Variants in EVL observed in about 807,000 individuals in gnomAD.
EVL encodes the protein Enah/Vasp-like.
Under a neutral mutation model 59.6 loss-of-function variants are expected in EVL, and 21 were observed. The ratio of observed to expected loss-of-function variants is 0.35; its 90% CI spans 0.25 to 0.51. The LOEUF (loss-of-function observed/expected upper bound fraction) is 0.51. Among genes scored for constraint, EVL ranks in the 20% least tolerant of loss-of-function variants. The pLI is 0.97. For synonymous variants in EVL, 198 were observed against 203.5 expected (o/e 0.97, Z 0.23); for missense variants, 462 against 546.6 (o/e 0.85, Z 1.54).
intron 3 of EVL, among the ~76,000 whole-genome samples, chr14:100,099,339 GC>G (rs1886042377): frequency 6.6e-6 from 1 of 152,162 alleles, no homozygotes; most frequent in African/African-American, 2.4e-5. Flanking sequence ...TTCGAGTCCA[GC>G]CTGGACAACA....
chr14:100,021,469 C>T (rs1159429985), intron 1 of EVL, among the ~76,000 whole-genome samples: 1 of 152,176 alleles, frequency 6.6e-6, no homozygotes, highest in Non-Finnish European at 1.5e-5. Context: ...TGGTGTCAGA[C>T]AAATGGCTTT....
intron 1 of EVL, among the ~76,000 whole-genome samples, chr14:99,981,362 G>A (rs530052446): frequency 6.6e-6 from 1 of 152,250 alleles, no homozygotes; most frequent in East Asian, 1.9e-4. Flanking sequence ...AACCCGGGAT[G>A]GGGAGGTTGC....
intron 3 of EVL, among the ~76,000 whole-genome samples, chr14:100,113,808 G>C (rs1371987915): frequency 1.3e-5 from 2 of 152,122 alleles, no homozygotes; most frequent in Non-Finnish European, 2.9e-5. Flanking sequence ...AGAGAGGTTT[G>C]GTGGGATTGG....
At chr14:100,042,513 T>G (rs1421231356) in intron 1 of EVL, among the ~76,000 whole-genome samples, 1 of 152,168 alleles carries the variant, frequency 6.6e-6, no homozygotes, top group Non-Finnish European at 1.5e-5. Context: ...GTGGAGACGC[T>G]GCCTCCTTAA....
chr14:100,125,151 C>CACACACACCCCTG (rs1566718479), intron 4 of EVL, among the ~76,000 whole-genome samples: 1 of 124,142 alleles, frequency 8.1e-6, no homozygotes. Context: ...CACACACACA[C>CACACACACCCCTG]CTGCCCCAAG....
chr14:100,126,469 G>A (rs551341686), intron 4 of EVL, among the ~76,000 whole-genome samples: 5 of 152,360 alleles, frequency 3.3e-5, no homozygotes, highest in African/African-American at 1.2e-4. Context: ...TCCATAAGGA[G>A]CTCTGTGTTC....
chr14:100,010,211 T>G (rs548670521), intron 1 of EVL, among the ~76,000 whole-genome samples: 60 of 152,356 alleles, frequency 3.9e-4, no homozygotes, highest in African/African-American at 1.2e-3. Context: ...TAAAACATTT[T>G]GATTTTCTTC....
At chr14:100,012,425 AT>A (rs1344703306) in intron 1 of EVL, among the ~76,000 whole-genome samples, 1 of 152,158 alleles carries the variant, frequency 6.6e-6, no homozygotes. Context: ...TATCTTCTTG[AT>A]TATTCCTTTC....
chr14:100,040,789 C>T (rs1312152723), intron 1 of EVL, among the ~76,000 whole-genome samples: 1 of 152,150 alleles, frequency 6.6e-6, no homozygotes, highest in African/African-American at 2.4e-5. Flanking sequence ...TTGTATGCTG[C>T]AGTTTCATCC....
In EVL at chr14:100,084,664, A is replaced by G. The variant is rs767506274; in HGVS notation, c.12-23A>G. 5.6e-6 allele frequency: 9 copies of G among 1,612,392 alleles called. No homozygotes were observed. In the East Asian group the frequency reaches 2.0e-4, roughly 36 times the overall value. Reference sequence around the variant, plus strand: ...TCCATCCACTGTAGCTGAGGCTGACACCAGTTTTTTCTTGCTCGGCAGTGA... The same window carrying G: ...TCCATCCACTGTAGCTGAGGCTGACGCCAGTTTTTTCTTGCTCGGCAGTGA... On this transcript the variant is annotated intron_variant, in intron 1 of 13. Transcript: ENST00000392920.
chr14:100,068,373 C>G (rs898101703), intron 1 of EVL, among the ~76,000 whole-genome samples: 2 of 152,308 alleles, frequency 1.3e-5, no homozygotes, highest in African/African-American at 4.8e-5. Flanking sequence ...AACGGCAAAG[C>G]CTGCGAGCTG....
chr14:100,075,506 A>G (rs2062141290), intron 1 of EVL, among the ~76,000 whole-genome samples: 1 of 152,172 alleles, frequency 6.6e-6, no homozygotes, highest in Admixed American at 6.5e-5. Context: ...ATTTATGGCC[A>G]CTTCTCTCTA....
At chr14:100,076,404 T>C (rs2062161655) in intron 1 of EVL, among the ~76,000 whole-genome samples, 1 of 152,224 alleles carries the variant, frequency 6.6e-6, no homozygotes, top group Admixed American at 6.5e-5. Context: ...GCCTAAGTCC[T>C]CACTCTACAT....
intron 1 of EVL, among the ~76,000 whole-genome samples, chr14:99,993,685 CTTTT>C (rs532512303): frequency 2.3e-4 from 18 of 78,304 alleles, no homozygotes; most frequent in African/African-American, 4.8e-4. Context: ...TTCTTTCTTT[CTTTT>C]TTTTTTTTTT....
intron 13 of EVL, among the ~76,000 whole-genome samples, chr14:100,142,919 A>C (rs1394109572): frequency 6.6e-6 from 1 of 151,916 alleles, no homozygotes; most frequent in Non-Finnish European, 1.5e-5. Flanking sequence ...GGTGGAACCC[A>C]CCCTGGCTGA....
intron 1 of EVL, among the ~76,000 whole-genome samples, chr14:100,048,617 T>C (rs945248318): frequency 1.3e-5 from 2 of 152,170 alleles, no homozygotes; most frequent in Non-Finnish European, 2.9e-5. Context: ...CAATCCTACA[T>C]AGTCAGCCTA....
At chr14:100,016,849 T>G (rs2767359) in intron 1 of EVL, among the ~76,000 whole-genome samples, 9,336 of 152,272 alleles carry the variant, frequency 0.061, 478 homozygotes, top group East Asian at 0.28. Flanking sequence ...AGGCACTTTT[T>G]TTTAGCCCTG....
At chr14:100,007,612 G>A (rs539055237) in intron 1 of EVL, among the ~76,000 whole-genome samples, 1 of 152,376 alleles carries the variant, frequency 6.6e-6, no homozygotes, top group South Asian at 2.1e-4. Flanking sequence ...GACTGGCCAA[G>A]GGGCCTGAGG....
Position 99,981,718 on chromosome 14 carries a change from A to G in EVL, c.5+9661A>G, listed in dbSNP as rs113847486. 9.2e-5 allele frequency among the ~76,000 whole-genome samples: 14 copies of G among 152,364 alleles called. 1 individual carries two copies. The highest frequency in any genetic ancestry group is 3.4e-4 in the African/African-American group (14 of 41,590). On this transcript the variant is annotated intron_variant, in intron 1 of 13. Coordinates refer to the EVL transcript ENST00000402714. ...AGTCTGTTAAGTATGCAGTAGCACTATGTCTAGAAAATGTACATACCTTCA... is the reference window on the plus strand; with the variant it reads ...AGTCTGTTAAGTATGCAGTAGCACTGTGTCTAGAAAATGTACATACCTTCA...
Sources: gnomAD v4.1 joint callset for allele counts (sites outside exome capture counted in the v4.1 genomes callset) on GRCh38, gnomAD v4.1.1 for gene constraint, MANE v1.5 for transcripts, NCBI Gene and HGNC (gene_info 2026-07-23, HGNC 2026-07-21) for gene names.